PDE4D: variants seen among roughly 807,000 people sequenced by gnomAD.
PDE4D encodes the protein 3',5'-cyclic-AMP phosphodiesterase 4D.
Under a neutral mutation model 87.4 loss-of-function variants are expected in PDE4D, and 24 were observed. That is an observed-to-expected ratio of 0.27 (90% CI 0.20 to 0.39). The LOEUF is 0.39. Ranked by LOEUF, PDE4D falls within the 10% of genes least tolerant of loss-of-function variation. PDE4D has a pLI of 1.00. For missense variants in PDE4D, 714 were observed against 1,041.0 expected, an observed-to-expected ratio of 0.69 and a Z score of 4.32; for synonymous variants, 384 against 383.2, an observed-to-expected ratio of 1.00 and a Z score of -0.02.
chr5:59,808,601 T>TG (rs1460904564), intron 1 of PDE4D, among the ~76,000 whole-genome samples: 9 of 152,080 alleles, frequency 5.9e-5, no homozygotes, highest in African/African-American at 2.2e-4. Context: ...TGTGTGTGTG[T>TG]TTGTGTGTGT....
intron 1 of PDE4D, among the ~76,000 whole-genome samples, chr5:59,538,894 T>C (rs1815772695): frequency 6.6e-6 from 1 of 152,178 alleles, no homozygotes; most frequent in Admixed American, 6.6e-5. Context: ...CTCTCCACTT[T>C]CCAACTTTGC....
intron 2 of PDE4D, among the ~76,000 whole-genome samples, chr5:60,009,343 T>A (rs566286530): frequency 6.6e-6 from 1 of 152,130 alleles, no homozygotes; most frequent in East Asian, 1.9e-4. Context: ...GATTTTTTTT[T>A]AAGATCCATT....
chr5:60,001,850 A>G (rs1210008655), intron 2 of PDE4D, among the ~76,000 whole-genome samples: 2 of 143,024 alleles, frequency 1.4e-5, no homozygotes, highest in African/African-American at 5.2e-5. Flanking sequence ...ATGCTACAAG[A>G]TGTTTTTTGA....
At chr5:60,392,351 A>G (rs1762610501) in intron 1 of PDE4D, among the ~76,000 whole-genome samples, 1 of 152,204 alleles carries the variant, frequency 6.6e-6, no homozygotes, top group South Asian at 2.1e-4. Flanking sequence ...AGACAATCCA[A>G]CTGTGAATAT....
At chr5:60,475,795 T>C (rs774634700) in intron 1 of PDE4D, among the ~76,000 whole-genome samples, 26 of 140,852 alleles carry the variant, frequency 1.8e-4, no homozygotes, top group Non-Finnish European at 3.2e-4. Context: ...TTATTCTCTA[T>C]GAACTTCACT....
At chr5:59,008,839 G>C (rs1430447853) in intron 6 of PDE4D, among the ~76,000 whole-genome samples, 1 of 152,036 alleles carries the variant, frequency 6.6e-6, no homozygotes, top group East Asian at 1.9e-4. Context: ...TAAAGGACTT[G>C]TATCCAGAAA....
At chr5:59,861,551 A>T (rs1746291030) in intron 1 of PDE4D, among the ~76,000 whole-genome samples, 1 of 152,208 alleles carries the variant, frequency 6.6e-6, no homozygotes, top group African/African-American at 2.4e-5. Context: ...AATCAATTTG[A>T]GTGTCTCTTC....
intron 1 of PDE4D, among the ~76,000 whole-genome samples, chr5:59,719,262 A>G (rs1260071810): frequency 1.3e-5 from 2 of 152,188 alleles, no homozygotes; most frequent in South Asian, 2.1e-4. Flanking sequence ...TGTAACTACT[A>G]TCAGCATGTC....
chr5:59,272,834 G>A (rs1349132812), intron 1 of PDE4D, among the ~76,000 whole-genome samples: 1 of 152,098 alleles, frequency 6.6e-6, no homozygotes, highest in East Asian at 1.9e-4. Context: ...ATTTAATTAA[G>A]GCTGTAAGGA....
chr5:59,409,445 T>C (rs937155302), intron 1 of PDE4D, among the ~76,000 whole-genome samples: 2 of 152,154 alleles, frequency 1.3e-5, no homozygotes, highest in African/African-American at 4.8e-5. Context: ...CATATTGGGA[T>C]GTAATCCCCA....
chr5:59,557,656 T>C (rs753775284), intron 1 of PDE4D, among the ~76,000 whole-genome samples: 1 of 152,230 alleles, frequency 6.6e-6, no homozygotes, highest in African/African-American at 2.4e-5. Context: ...CTGTAGGTGA[T>C]GTATCCTTCT....
chr5:60,306,743 T>C (rs1299170602), intron 1 of PDE4D, among the ~76,000 whole-genome samples: 1 of 151,992 alleles, frequency 6.6e-6, no homozygotes, highest in Admixed American at 6.6e-5. Context: ...ACTAATGCAG[T>C]GGCAATAATG....
intron 1 of PDE4D, among the ~76,000 whole-genome samples, chr5:59,722,565 C>T (rs1037981864): frequency 1.3e-5 from 2 of 151,924 alleles, no homozygotes; most frequent in Non-Finnish European, 2.9e-5. Flanking sequence ...TCTGGATTTC[C>T]TATGTCTTTA....
intron 1 of PDE4D, among the ~76,000 whole-genome samples, chr5:60,205,922 T>C (rs1562217517): frequency 6.6e-6 from 1 of 152,076 alleles, no homozygotes; most frequent in Non-Finnish European, 1.5e-5. Flanking sequence ...GCAATAAATA[T>C]GCATGACAGG....
intron 1 of PDE4D, among the ~76,000 whole-genome samples, chr5:60,399,729 C>T (rs1487052638): frequency 6.6e-6 from 1 of 152,240 alleles, no homozygotes; most frequent in Admixed American, 6.5e-5. Flanking sequence ...AGTGGCCGTG[C>T]CGGCCCCATG....
intron 1 of PDE4D, among the ~76,000 whole-genome samples, chr5:59,467,627 T>C (rs1159800737): frequency 6.6e-6 from 1 of 152,242 alleles, no homozygotes; most frequent in African/African-American, 2.4e-5. Context: ...ATTTACCATA[T>C]ATGTTTAAAT....
chr5:60,060,130 T>C (rs1405021157), intron 2 of PDE4D, among the ~76,000 whole-genome samples: 1 of 152,074 alleles, frequency 6.6e-6, no homozygotes, highest in Middle Eastern at 3.2e-3. Flanking sequence ...AATTATTCTA[T>C]GAGAGATTTA....
intron 1 of PDE4D, among the ~76,000 whole-genome samples, chr5:60,243,345 G>T (rs1255584234): frequency 6.6e-6 from 1 of 151,876 alleles, no homozygotes; most frequent in Non-Finnish European, 1.5e-5. Flanking sequence ...TCGCAGTAAA[G>T]AAAGGCTGTG....
chr5:60,258,638 C>T (rs1407381976), intron 1 of PDE4D, among the ~76,000 whole-genome samples: 1 of 151,716 alleles, frequency 6.6e-6, no homozygotes, highest in Non-Finnish European at 1.5e-5. Flanking sequence ...TACTCCAGCT[C>T]TTGCATATAA....
Sources: allele counts gnomAD v4.1 joint callset (sites outside exome capture counted in the v4.1 genomes callset), GRCh38; gene constraint gnomAD v4.1.1; transcripts MANE v1.5; gene names NCBI Gene and HGNC (gene_info 2026-07-23, HGNC 2026-07-21).